Variants in BABAM2 observed in about 807,000 individuals in gnomAD.
BABAM2 encodes BRISC and BRCA1 A complex member 2.
A neutral mutation model predicts 54.7 loss-of-function variants in BABAM2; 31 were observed. That is an observed-to-expected ratio of 0.57 (90% confidence interval 0.43 to 0.77). BABAM2 has a LOEUF of 0.77. Ranked by LOEUF, BABAM2 falls within the 30% of genes least tolerant of loss-of-function variation. The pLI is 0.00. For synonymous variants in BABAM2, 167 were observed against 162.9 expected (o/e 1.03, Z -0.19); for missense variants, 364 against 455.8 (o/e 0.80, Z 1.83).
chr2:28,301,616 C>T (rs987076606), intron 11 of BABAM2, among the ~76,000 whole-genome samples: 3 of 152,188 alleles, frequency 2.0e-5, no homozygotes, highest in Non-Finnish European at 4.4e-5. Flanking sequence ...TGCCTTTGCT[C>T]ACGCCTTTCC....
intron 7 of BABAM2, among the ~76,000 whole-genome samples, chr2:28,147,458 T>G (rs1473037308): frequency 6.6e-6 from 1 of 152,108 alleles, no homozygotes; most frequent in Non-Finnish European, 1.5e-5. Flanking sequence ...AAAGTTATAA[T>G]TTTTCCCTTT....
At chr2:28,084,920 C>T (rs1377346987) in intron 6 of BABAM2, among the ~76,000 whole-genome samples, 1 of 152,114 alleles carries the variant, frequency 6.6e-6, no homozygotes, top group East Asian at 1.9e-4. Context: ...CAGGCACTCC[C>T]AGCGTCATTT....
chr2:28,023,101 A>G (rs555869482), intron 4 of BABAM2, among the ~76,000 whole-genome samples: 5 of 152,310 alleles, frequency 3.3e-5, no homozygotes, highest in South Asian at 4.1e-4. Flanking sequence ...AAGAAATTAT[A>G]TTTTAATGGA....
intron 10 of BABAM2, among the ~76,000 whole-genome samples, chr2:28,297,568 A>G (rs547509222): frequency 1.3e-5 from 2 of 152,368 alleles, no homozygotes; most frequent in South Asian, 2.1e-4. Flanking sequence ...GATAAAGCAT[A>G]TAACACATGT....
At chr2:28,054,943 T>C (rs1204400430) in intron 6 of BABAM2, among the ~76,000 whole-genome samples, 2 of 152,236 alleles carry the variant, frequency 1.3e-5, no homozygotes, top group Non-Finnish European at 2.9e-5. Flanking sequence ...TCATTTAATT[T>C]GTATTTCAAA....
rs183505408 is a variant in BABAM2, at chr2:28,235,284, T to C, written c.681-1918T>C. Among the ~76,000 whole-genome samples the C allele has an allele frequency of 6.6e-5, 10 of 151,938 alleles. No individual in the cohort carries two copies. In the East Asian group the frequency reaches 1.6e-3, roughly 24 times the overall value. On this transcript the variant is annotated intron_variant, in intron 7 of 11. Coordinates refer to ENST00000379624, the MANE Select transcript of BABAM2 (RefSeq NM_199191.3). ...TCTACCTCCTTGGGTGCAAGCAATTTTCCTGCCTCAGCCTCCCAAGTAGCT... is the reference window on the plus strand; with the variant it reads ...TCTACCTCCTTGGGTGCAAGCAATTCTCCTGCCTCAGCCTCCCAAGTAGCT...
chr2:28,084,062 G>A (rs143519638), intron 6 of BABAM2, among the ~76,000 whole-genome samples: 348 of 152,272 alleles, frequency 2.3e-3, no homozygotes, highest in African/African-American at 7.8e-3. Context: ...AGTAAGATGC[G>A]CTTGACGGGT....
chr2:28,025,460 C>G, intron 5 of BABAM2, 40 bp downstream of exon 5: 1 of 1,501,616 alleles, frequency 6.7e-7, no homozygotes. Context: ...TGACTTCATC[C>G]ATAATAAAAT....
chr2:28,124,402 A>G (rs1363364758), intron 6 of BABAM2, among the ~76,000 whole-genome samples: 1 of 152,194 alleles, frequency 6.6e-6, no homozygotes, highest in Non-Finnish European at 1.5e-5. Context: ...TCAAGGTTGA[A>G]TACTCTATCA....
chr2:28,117,626 A>C (rs1390355737), intron 6 of BABAM2, among the ~76,000 whole-genome samples: 1 of 152,142 alleles, frequency 6.6e-6, no homozygotes, highest in Non-Finnish European at 1.5e-5. Flanking sequence ...TCTCTTCTAT[A>C]TATGGGAAAT....
chr2:27,944,885 G>A (rs1329260751), intron 3 of BABAM2, among the ~76,000 whole-genome samples: 1 of 151,962 alleles, frequency 6.6e-6, no homozygotes, highest in Non-Finnish European at 1.5e-5. Flanking sequence ...CCAACATTTG[G>A]TATTGTTGAT....
intron 5 of BABAM2, among the ~76,000 whole-genome samples, chr2:28,026,540 C>T (rs1447186554): frequency 6.6e-6 from 1 of 150,702 alleles, no homozygotes; most frequent in Middle Eastern, 3.2e-3. Flanking sequence ...AGTGAGAACA[C>T]ATGGACACAG....
chr2:28,012,704 C>T (rs1273418094), intron 4 of BABAM2, among the ~76,000 whole-genome samples: 1 of 152,112 alleles, frequency 6.6e-6, no homozygotes, highest in Non-Finnish European at 1.5e-5. Flanking sequence ...TTGGAAAATA[C>T]ATTATTTTTA....
intron 10 of BABAM2, among the ~76,000 whole-genome samples, chr2:28,252,058 C>A (rs1047507211): frequency 4.6e-5 from 7 of 151,890 alleles, no homozygotes; most frequent in African/African-American, 1.7e-4. Flanking sequence ...TGTGGTGGCA[C>A]CTGTAATCTC....
chr2:28,139,321 CAAAAAAA>C (rs768755922), intron 7 of BABAM2, among the ~76,000 whole-genome samples: 15 of 87,052 alleles, frequency 1.7e-4, no homozygotes, highest in East Asian at 8.7e-4. Context: ...AACTCCGTCT[CAAAAAAA>C]AAAAAAAAAA....
Position 28,304,157 on chromosome 2 carries a change from G to A in BABAM2, c.1088+5666G>A, listed in dbSNP as rs558598388. On this transcript the variant is annotated intron_variant, in intron 11 of 11. Coordinates refer to ENST00000379624, the MANE Select transcript of BABAM2 (RefSeq NM_199191.3). This position sits in a 1 kb window ranked among gnomAD's most constrained non-coding sequence, Gnocchi z 4.0. ...CGCAACCTCCACCTCCCAGGTTCAA[G>A]TGATTGTCCTGTCTCAGCCTTCCTA... Among the ~76,000 whole-genome samples the A allele has an allele frequency of 1.5e-3, 222 of 152,120 alleles. No individual in the cohort carries two copies. Among genetic ancestry groups the A allele is most frequent in the Admixed American group, 2.6e-3 (40 of 15,296 alleles).
At chr2:28,012,393 G>A (rs1445657738) in intron 4 of BABAM2, among the ~76,000 whole-genome samples, 3 of 152,028 alleles carry the variant, frequency 2.0e-5, no homozygotes, top group Non-Finnish European at 4.4e-5. Flanking sequence ...AGCCAAGCTG[G>A]GGCCACAAAA....
chr2:28,138,125 GA>G (rs1460226088), intron 7 of BABAM2, among the ~76,000 whole-genome samples: 1 of 152,072 alleles, frequency 6.6e-6, no homozygotes, highest in Non-Finnish European at 1.5e-5. Flanking sequence ...TCACAAGTAG[GA>G]AAACATTCCT....
chr2:28,223,044 T>TA (rs1273863664), intron 7 of BABAM2, among the ~76,000 whole-genome samples: 1 of 152,214 alleles, frequency 6.6e-6, no homozygotes, highest in Non-Finnish European at 1.5e-5. Flanking sequence ...TTTTTAAAAG[T>TA]AAAAGATGCA....
Sources: allele counts gnomAD v4.1 joint callset (sites outside exome capture counted in the v4.1 genomes callset), GRCh38; gene constraint gnomAD v4.1.1; non-coding constraint Gnocchi (gnomAD v3.1); transcripts MANE v1.5; gene names NCBI Gene and HGNC (gene_info 2026-07-23, HGNC 2026-07-21).